The following FKTN variants were observed in gnomAD, a reference collection of about 807,000 sequenced individuals.
FKTN encodes ribitol-5-phosphate transferase FKTN.
Under a neutral mutation model 58.6 loss-of-function variants are expected in FKTN, and 47 were observed. That is an observed-to-expected ratio of 0.80 (90% CI 0.63 to 1.02). The LOEUF (loss-of-function observed/expected upper bound fraction) is 1.02. FKTN is among the 50% of genes least tolerant of loss of function. The pLI, the probability that FKTN is intolerant of heterozygous loss-of-function variation, is 0.00. For synonymous variants in FKTN, 178 were observed against 191.9 expected (o/e 0.93, Z 0.60); for missense variants, 516 against 537.3 (o/e 0.96, Z 0.39).
chr9:105,634,964 T>G, intron 10 of FKTN, 87 bp from the exon 11 acceptor site: 2 of 1,026,046 alleles, frequency 1.9e-6, no homozygotes, highest in South Asian at 1.3e-5. Context: ...GAGAGCACTG[T>G]CCTTCAGCCA....
At chr9:105,595,925 C>T (rs1826715968) in intron 3 of FKTN, among the ~76,000 whole-genome samples, 2 of 152,192 alleles carry the variant, frequency 1.3e-5, no homozygotes, top group Admixed American at 1.3e-4. Flanking sequence ...GTCTCTAGAA[C>T]ATCAGACATT....
chr9:105,640,261 C>T lies in FKTN; in HGVS notation c.*4997C>T. 1 of 1,245,842 alleles carries T rather than the reference C, an allele frequency of 8.0e-7. No individual in the cohort carries two copies. The highest frequency in any genetic ancestry group is 2.4e-4 in the Middle Eastern group (1 of 4,248). 77.2% of individuals were successfully genotyped at this position (1,245,842 alleles called of 1,614,324 possible). A position where few individuals can be genotyped will look rare whatever the true frequency, so the allele number is the denominator to read the frequency against. ...AGTATAAATTTTCTAATAAGAAATCCCTGCTTCTTTTGGGTGCAGTGGCTC... is the reference window on the plus strand; with the variant it reads ...AGTATAAATTTTCTAATAAGAAATCTCTGCTTCTTTTGGGTGCAGTGGCTC... On this transcript the variant is annotated 3_prime_UTR_variant, in exon 11 of 11. Coordinates refer to ENST00000357998, the MANE Select transcript of FKTN (RefSeq NM_001079802.2).
chr9:105,610,526 C>T (rs1175127693), intron 7 of FKTN, among the ~76,000 whole-genome samples: 1 of 152,014 alleles, frequency 6.6e-6, no homozygotes, highest in Non-Finnish European at 1.5e-5. Flanking sequence ...AACCTATCTT[C>T]CAACACATGT....
Position 105,640,271 on chromosome 9 carries a change from T to C in FKTN, c.*5007T>C, listed in dbSNP as rs893903904. On this transcript the variant is annotated 3_prime_UTR_variant, in exon 11 of 11. Coordinates refer to ENST00000357998, the MANE Select transcript of FKTN (RefSeq NM_001079802.2). ...TTCTAATAAGAAATCCCTGCTTCTT[T>C]TGGGTGCAGTGGCTCACACCTGTAA... is the stretch of plus-strand genomic sequence containing the variant. 5.4e-6 allele frequency: 6 copies of C among 1,114,148 alleles called. No homozygotes were observed. The African/African-American group carries it at 7.9e-5, about 15-fold the overall frequency. The allele number at this position is 1,114,148 out of a possible 1,614,324, so 69.0% of individuals were successfully genotyped here. A position where few individuals can be genotyped will look rare whatever the true frequency, so the allele number is the denominator to read the frequency against.
rs1158022147 is a variant in FKTN at position 105,604,304 on chromosome 9, C to T, written c.459C>T (p.Leu153=). The change falls in exon 6 of 11, where the codon CTC becomes CTT. Residue 153 remains leucine (L), a synonymous_variant. Coordinates refer to ENST00000357998, the MANE Select transcript of FKTN (RefSeq NM_001079802.2). ...CCCGGCTAGACGGGATAGACTCACT[C>T]TCTGGAACTGAAATCCCCCTGCACT... ...KDPRLDGIDS[L]SGTEIPLHYI... is the part of the protein sequence containing the mutation. 5 of 1,613,798 alleles carry T rather than the reference C, an allele frequency of 3.1e-6. No individual in the cohort carries two copies. The highest frequency in any genetic ancestry group is 2.5e-6 in the Non-Finnish European group (3 of 1,179,948).
intron 7 of FKTN, among the ~76,000 whole-genome samples, chr9:105,610,917 A>G (rs1249178357): frequency 4.6e-5 from 7 of 152,082 alleles, no homozygotes; most frequent in Non-Finnish European, 5.9e-5. Context: ...AACTAGAATA[A>G]TATACCTTTT....
intron 1 of FKTN, among the ~76,000 whole-genome samples, chr9:105,566,968 C>T (rs1839760183): frequency 6.6e-6 from 1 of 152,136 alleles, no homozygotes; most frequent in South Asian, 2.1e-4. Flanking sequence ...GGCTTCATCC[C>T]CAGGATGCAA....
chr9:105,616,605 CTTGA>C lies in FKTN; in HGVS notation c.910+1201_910+1204del, dbSNP rs145649263. 9.0e-3 allele frequency among the ~76,000 whole-genome samples: 1,375 copies of C among 152,184 alleles called. 22 individuals carry two copies. The highest frequency in any genetic ancestry group is 0.032 in the African/African-American group (1,317 of 41,546). On this transcript the variant is annotated intron_variant, in intron 8 of 10. Coordinates refer to ENST00000357998, the MANE Select transcript of FKTN (RefSeq NM_001079802.2). ...TTTGTTTTGTGTTTATTTGTTGTCT[CTTGA>C]TTATCATGATAGTTAATTATAGCTG...
chr9:105,587,710 T>A (rs1403852414), intron 3 of FKTN, among the ~76,000 whole-genome samples: 1 of 152,180 alleles, frequency 6.6e-6, no homozygotes, highest in Non-Finnish European at 1.5e-5. Flanking sequence ...GAAGGGTGTT[T>A]TTATAGTCTT....
intron 3 of FKTN, among the ~76,000 whole-genome samples, chr9:105,577,781 T>G (rs1842025449): frequency 6.6e-6 from 1 of 150,796 alleles, no homozygotes; most frequent in African/African-American, 2.5e-5. Flanking sequence ...TTTCACAATA[T>G]TGATTCTTCC....
chr9:105,584,414 T>G (rs1843553970), intron 3 of FKTN, among the ~76,000 whole-genome samples: 2 of 152,126 alleles, frequency 1.3e-5, no homozygotes, highest in South Asian at 4.1e-4. Context: ...ATACCATTAA[T>G]TTTGTAAAGT....
At chr9:105,632,471 C>T (rs965683141) in intron 10 of FKTN, among the ~76,000 whole-genome samples, 45 of 150,436 alleles carry the variant, frequency 3.0e-4, no homozygotes, top group African/African-American at 1.1e-3. Flanking sequence ...AATAAAAAAG[C>T]CAGGTTCAGT....
chr9:105,610,550 C>G (rs1206767433), intron 7 of FKTN, among the ~76,000 whole-genome samples: 1 of 151,978 alleles, frequency 6.6e-6, no homozygotes, highest in Non-Finnish European at 1.5e-5. Flanking sequence ...CCCCTCCCTA[C>G]CCCCTGTTCT....
intron 10 of FKTN, among the ~76,000 whole-genome samples, chr9:105,621,574 A>G (rs760994808): frequency 4.6e-5 from 7 of 152,050 alleles, no homozygotes; most frequent in Non-Finnish European, 8.8e-5. Context: ...CTTTACAGAG[A>G]TAACCATGAT....
chr9:105,582,349 A>G (rs1446187073), intron 3 of FKTN, among the ~76,000 whole-genome samples: 2 of 152,084 alleles, frequency 1.3e-5, no homozygotes, highest in African/African-American at 4.8e-5. Context: ...ACATGCCATC[A>G]CGCCTGACTA....
intron 1 of FKTN, among the ~76,000 whole-genome samples, chr9:105,562,474 A>G (rs1295010344): frequency 1.3e-5 from 2 of 152,194 alleles, no homozygotes; most frequent in Non-Finnish European, 2.9e-5. Flanking sequence ...GGTCTGAAAA[A>G]TATCTCAAAA....
intron 3 of FKTN, among the ~76,000 whole-genome samples, chr9:105,576,179 T>A (rs1407376454): frequency 1.3e-5 from 2 of 151,620 alleles, no homozygotes; most frequent in African/African-American, 2.4e-5. Context: ...TTATTTTTTT[T>A]ATTATACTTT....
At chr9:105,578,245 G>C (rs1842135735) in intron 3 of FKTN, among the ~76,000 whole-genome samples, 1 of 149,520 alleles carries the variant, frequency 6.7e-6, no homozygotes, top group African/African-American at 2.5e-5. Flanking sequence ...CCTGTCTTGT[G>C]CCAGTTTTCA....
chr9:105,638,657 G>T lies in FKTN; in HGVS notation c.*3393G>T, dbSNP rs572399762. ...TCATTCACAAAAAAGAATAATAGATGTAACTGGAGTCACTTTGCAGTTTTC... is the reference window on the plus strand; with the variant it reads ...TCATTCACAAAAAAGAATAATAGATTTAACTGGAGTCACTTTGCAGTTTTC... On this transcript the variant is annotated 3_prime_UTR_variant, in exon 11 of 11. Coordinates refer to ENST00000357998, the MANE Select transcript of FKTN (RefSeq NM_001079802.2). 5 of 985,048 alleles carry T rather than the reference G, an allele frequency of 5.1e-6. No homozygotes were observed. Among genetic ancestry groups the T allele is most frequent in the Admixed American group, 6.2e-5 (1 of 16,240 alleles). The allele number at this position is 985,048 out of a possible 1,614,324, so 61.0% of individuals were successfully genotyped here.
Sources: gnomAD v4.1 joint callset for allele counts (sites outside exome capture counted in the v4.1 genomes callset) on GRCh38, gnomAD v4.1.1 for gene constraint, MANE v1.5 for transcripts, NCBI Gene and HGNC (gene_info 2026-07-23, HGNC 2026-07-21) for gene names.